The following TECRL variants were observed in gnomAD, a reference collection of about 807,000 sequenced individuals.
TECRL encodes the protein trans-2,3-enoyl-CoA reductase-like.
Under a neutral mutation model 52.8 loss-of-function variants are expected in TECRL, and 63 were observed. The ratio of observed to expected loss-of-function variants is 1.19; its 90% confidence interval spans 0.97 to 1.47. The LOEUF (loss-of-function observed/expected upper bound fraction) is 1.47, where lower values mean the gene tolerates loss of function less well. Ranked by LOEUF, TECRL falls within the 40% of genes most tolerant of loss-of-function variation. TECRL has a pLI of 0.00. For missense variants in TECRL, 482 were observed against 429.6 expected (o/e 1.12, Z -1.08); for synonymous variants, 164 against 141.9 (o/e 1.16, Z -1.10).
At chr4:64,399,547 C>T (rs543044891) in intron 1 of TECRL, among the ~76,000 whole-genome samples, 1 of 152,192 alleles carries the variant, frequency 6.6e-6, no homozygotes, top group Non-Finnish European at 1.5e-5. Flanking sequence ...GCCCCTCCCA[C>T]CAGAAGCCCT....
At chr4:64,376,252 T>G (rs12501631) in intron 1 of TECRL, among the ~76,000 whole-genome samples, 88,370 of 151,682 alleles carry the variant, frequency 0.58, 30,174 homozygotes, top group Non-Finnish European at 0.75. Flanking sequence ...GTTCAGAACT[T>G]TTTTTATGAT....
At chr4:64,290,009 T>C (rs1723292494) in intron 8 of TECRL, among the ~76,000 whole-genome samples, 1 of 152,214 alleles carries the variant, frequency 6.6e-6, no homozygotes, top group African/African-American at 2.4e-5. Flanking sequence ...TTTCACGCTG[T>C]TTGATAATCA....
intron 9 of TECRL, among the ~76,000 whole-genome samples, chr4:64,287,530 G>T (rs764260377): frequency 2.4e-4 from 37 of 151,974 alleles, no homozygotes; most frequent in African/African-American, 8.5e-4. Context: ...GTTAGCAGTT[G>T]GGAATCCCTA....
At chr4:64,382,743 T>C (rs1312674147) in intron 1 of TECRL, among the ~76,000 whole-genome samples, 1 of 152,108 alleles carries the variant, frequency 6.6e-6, no homozygotes, top group Non-Finnish European at 1.5e-5. Flanking sequence ...TTCCTGTGAT[T>C]TTTATAACTG....
At chr4:64,314,865 G>T in intron 4 of TECRL, 102 bp from the exon 5 acceptor site, 1 of 814,456 alleles carries the variant, frequency 1.2e-6, no homozygotes, top group Non-Finnish European at 2.0e-6. Flanking sequence ...GGTGAAACAG[G>T]TAGATTTTTT....
chr4:64,402,057 T>A (rs1036569833), intron 1 of TECRL, among the ~76,000 whole-genome samples: 2 of 152,092 alleles, frequency 1.3e-5, no homozygotes, highest in Admixed American at 1.3e-4. Context: ...CATTTCAGAG[T>A]TACTTTTCCC....
chr4:64,303,147 T>C (rs975644621), intron 7 of TECRL, among the ~76,000 whole-genome samples: 6 of 151,390 alleles, frequency 4.0e-5, no homozygotes, highest in Non-Finnish European at 7.4e-5. Context: ...AGTTTTGAAA[T>C]GGGAAAATAT....
chr4:64,305,619 C>A (rs1724291376), intron 6 of TECRL, among the ~76,000 whole-genome samples: 2 of 152,134 alleles, frequency 1.3e-5, no homozygotes, highest in Admixed American at 6.6e-5. Flanking sequence ...CAGCCACCTG[C>A]AGAGGCACAG....
intron 2 of TECRL, among the ~76,000 whole-genome samples, chr4:64,344,698 C>T (rs1719826728): frequency 1.3e-5 from 2 of 152,152 alleles, no homozygotes; most frequent in African/African-American, 4.8e-5. Context: ...AAACTACATG[C>T]TACCAACCAT....
intron 1 of TECRL, among the ~76,000 whole-genome samples, chr4:64,375,519 A>T: frequency 6.6e-6 from 1 of 151,924 alleles, no homozygotes; most frequent in East Asian, 1.9e-4. Context: ...TAGTCAATGT[A>T]TTTTTCCACA....
chr4:64,315,759 A>G (rs1289864579), intron 4 of TECRL, among the ~76,000 whole-genome samples: 3 of 152,126 alleles, frequency 2.0e-5, no homozygotes, highest in African/African-American at 7.2e-5. Flanking sequence ...TCATATGCAT[A>G]TATGTGTGTA....
At chr4:64,391,497 A>G (rs943673637) in intron 1 of TECRL, among the ~76,000 whole-genome samples, 6 of 151,904 alleles carry the variant, frequency 3.9e-5, no homozygotes, top group Admixed American at 2.0e-4. Context: ...TACCCCATTA[A>G]TAACATCAAC....
chr4:64,323,609 T>C (rs1718053383), intron 3 of TECRL, among the ~76,000 whole-genome samples: 2 of 152,152 alleles, frequency 1.3e-5, no homozygotes, highest in South Asian at 2.1e-4. Flanking sequence ...AAGGTGATTA[T>C]TTAGGAGACA....
chr4:64,359,534 T>G (rs1212539590), intron 2 of TECRL, among the ~76,000 whole-genome samples: 1 of 151,678 alleles, frequency 6.6e-6, no homozygotes, highest in African/African-American at 2.4e-5. Flanking sequence ...AAGTCCATAA[T>G]ATCAGGCTTG....
chr4:64,284,503 C>A (rs1722986300), intron 9 of TECRL, among the ~76,000 whole-genome samples: 1 of 152,004 alleles, frequency 6.6e-6, no homozygotes, highest in Admixed American at 6.6e-5. Context: ...CACTAAGATT[C>A]GCATTGGCTC....
At chr4:64,286,105 T>C (rs1431579559) in intron 9 of TECRL, among the ~76,000 whole-genome samples, 1 of 151,972 alleles carries the variant, frequency 6.6e-6, no homozygotes, top group Non-Finnish European at 1.5e-5. Flanking sequence ...CTAGAAAGTG[T>C]TTTCATTTGC....
At chr4:64,370,233 A>T (rs1219508301) in intron 2 of TECRL, among the ~76,000 whole-genome samples, 2 of 151,912 alleles carry the variant, frequency 1.3e-5, no homozygotes. Context: ...ACAAATAGAA[A>T]TTCATTTGAA....
At chr4:64,357,039 C>T (rs960968883) in intron 2 of TECRL, among the ~76,000 whole-genome samples, 5 of 152,082 alleles carry the variant, frequency 3.3e-5, no homozygotes, top group African/African-American at 1.2e-4. Context: ...TAATTACACA[C>T]ACAAATACAT....
At chr4:64,371,874 C>A (rs1721998040) in intron 2 of TECRL, among the ~76,000 whole-genome samples, 1 of 151,726 alleles carries the variant, frequency 6.6e-6, no homozygotes, top group Non-Finnish European at 1.5e-5. Flanking sequence ...CTAATAAAGT[C>A]ATATTTTATC....
Sources: gnomAD v4.1 joint callset for allele counts (sites outside exome capture counted in the v4.1 genomes callset) on GRCh38, gnomAD v4.1.1 for gene constraint, MANE v1.5 for transcripts, NCBI Gene and HGNC (gene_info 2026-07-23, HGNC 2026-07-21) for gene names.